The following GNA14 variants were observed in gnomAD, a reference collection of about 807,000 sequenced individuals.
GNA14 encodes the protein guanine nucleotide-binding protein subunit alpha-14.
A neutral mutation model predicts 42.0 loss-of-function variants in GNA14; 50 were observed. The ratio of observed to expected loss-of-function variants is 1.19; its 90% CI spans 0.95 to 1.51. GNA14 has a LOEUF of 1.51. Among genes scored for constraint, GNA14 ranks in the 40% most tolerant of loss-of-function variants. GNA14 has a pLI of 0.00. For synonymous variants in GNA14, 173 were observed against 163.1 expected, an observed-to-expected ratio of 1.06 and a Z score of -0.46; for missense variants, 473 against 446.2, an observed-to-expected ratio of 1.06 and a Z score of -0.54.
chr9:77,609,513 A>G (rs1019027375), intron 1 of GNA14, among the ~76,000 whole-genome samples: 1 of 152,062 alleles, frequency 6.6e-6, no homozygotes, highest in Admixed American at 6.5e-5. Context: ...CCACTTCCAC[A>G]TTTTTAGATA....
At chr9:77,544,025 TCTTA>T (rs1837691682) in intron 1 of GNA14, among the ~76,000 whole-genome samples, 1 of 152,220 alleles carries the variant, frequency 6.6e-6, no homozygotes, top group Non-Finnish European at 1.5e-5. Flanking sequence ...CAAATATTTC[TCTTA>T]CTGTTAAATG....
chr9:77,547,365 G>C (rs1407856610), intron 1 of GNA14, among the ~76,000 whole-genome samples: 1 of 152,116 alleles, frequency 6.6e-6, no homozygotes, highest in Non-Finnish European at 1.5e-5. Flanking sequence ...ATCTTCAAAG[G>C]CTGTAATTAA....
chr9:77,480,089 T>A (rs1398230250), intron 2 of GNA14, among the ~76,000 whole-genome samples: 1 of 152,154 alleles, frequency 6.6e-6, no homozygotes, highest in East Asian at 1.9e-4. Flanking sequence ...AACACTATAT[T>A]GAATAGGAGT....
At chr9:77,572,886 T>C (rs997003681) in intron 1 of GNA14, among the ~76,000 whole-genome samples, 4 of 152,186 alleles carry the variant, frequency 2.6e-5, no homozygotes, top group Non-Finnish European at 5.9e-5. Context: ...TGTGGCTTCA[T>C]GGAGATAATA....
chr9:77,583,929 G>C (rs183732172), intron 1 of GNA14, among the ~76,000 whole-genome samples: 1 of 152,146 alleles, frequency 6.6e-6, no homozygotes, highest in Non-Finnish European at 1.5e-5. Flanking sequence ...GGACAAACAC[G>C]ATGCTCCATT....
intron 1 of GNA14, among the ~76,000 whole-genome samples, chr9:77,557,502 A>G (rs1319345995): frequency 6.6e-6 from 1 of 152,246 alleles, no homozygotes; most frequent in African/African-American, 2.4e-5. Flanking sequence ...TATTTCATTA[A>G]GAACAACATA....
At chr9:77,528,090 T>C (rs1837469685) in intron 2 of GNA14, among the ~76,000 whole-genome samples, 1 of 152,230 alleles carries the variant, frequency 6.6e-6, no homozygotes, top group South Asian at 2.1e-4. Flanking sequence ...CTACTGTGTT[T>C]TCCTATGTAA....
intron 1 of GNA14, among the ~76,000 whole-genome samples, chr9:77,537,923 T>A (rs1837616255): frequency 6.6e-6 from 1 of 152,204 alleles, no homozygotes; most frequent in African/African-American, 2.4e-5. Context: ...TTAATGGCAT[T>A]ATTTAAGTTG....
At chr9:77,636,695 T>G (rs1418697715) in intron 1 of GNA14, among the ~76,000 whole-genome samples, 1 of 152,144 alleles carries the variant, frequency 6.6e-6, no homozygotes, top group Non-Finnish European at 1.5e-5. Flanking sequence ...CAACCAGCTC[T>G]CTCAAGAATA....
rs71358606 is a variant in GNA14, at chr9:77,501,713, C to CTTTTTTT, written c.309+27349_309+27355dup. Among the ~76,000 whole-genome samples, 209 of 130,404 alleles carry CTTTTTTT rather than the reference C, an allele frequency of 1.6e-3. 5 individuals are homozygous for CTTTTTTT. The highest frequency in any genetic ancestry group is 6.0e-3 in the African/African-American group (202 of 33,684). 85.6% of individuals were successfully genotyped at this position (130,404 alleles called of 152,430 possible). ...CTTTGTTGTTCAGATTGGATAATTT[C>CTTTTTTT]TTTTTTTTTTTTTTTGAGATGGAGT... On this transcript the variant is annotated intron_variant, in intron 2 of 6. Coordinates refer to ENST00000341700, the MANE Select transcript of GNA14 (RefSeq NM_004297.4).
chr9:77,551,713 CA>C (rs1837788994), intron 1 of GNA14, among the ~76,000 whole-genome samples: 1 of 151,298 alleles, frequency 6.6e-6, no homozygotes, highest in East Asian at 1.9e-4. Flanking sequence ...CAACAAGAAA[CA>C]ATAAGAAAAA....
intron 2 of GNA14, among the ~76,000 whole-genome samples, chr9:77,474,012 T>A (rs1361969750): frequency 1.3e-5 from 2 of 152,132 alleles, no homozygotes; most frequent in East Asian, 1.9e-4. Context: ...TAACTCAAAA[T>A]AGATCATTTA....
At chr9:77,552,038 GC>G (rs1273813389) in intron 1 of GNA14, among the ~76,000 whole-genome samples, 3 of 151,000 alleles carry the variant, frequency 2.0e-5, no homozygotes, top group Non-Finnish European at 4.4e-5. Context: ...TATTTGGGAG[GC>G]TGAGGCAGGA....
At chr9:77,584,777 C>T (rs143184550) in intron 1 of GNA14, among the ~76,000 whole-genome samples, 1 of 152,148 alleles carries the variant, frequency 6.6e-6, no homozygotes, top group Non-Finnish European at 1.5e-5. Context: ...CTGCTGGTTG[C>T]CAATTTTTAT....
chr9:77,605,517 A>G (rs1343968272), intron 1 of GNA14, among the ~76,000 whole-genome samples: 8 of 152,226 alleles, frequency 5.3e-5, no homozygotes, highest in Non-Finnish European at 1.2e-4. Flanking sequence ...CCTCTAAACC[A>G]GGTCATAAGA....
chr9:77,487,165 T>C (rs763507750), intron 2 of GNA14, among the ~76,000 whole-genome samples: 9 of 152,170 alleles, frequency 5.9e-5, no homozygotes, highest in Non-Finnish European at 1.0e-4. Context: ...ATGAATACAC[T>C]GGATGAAGGG....
chr9:77,443,294 T>G (rs1012045026), intron 2 of GNA14, among the ~76,000 whole-genome samples: 1 of 152,254 alleles, frequency 6.6e-6, no homozygotes, highest in Admixed American at 6.5e-5. Flanking sequence ...AAAGCATATC[T>G]AGAATATTTA....
chr9:77,598,840 A>C (rs1247192743), intron 1 of GNA14, among the ~76,000 whole-genome samples: 1 of 152,188 alleles, frequency 6.6e-6, no homozygotes, highest in African/African-American at 2.4e-5. Flanking sequence ...CCCCCAATTA[A>C]GGGAAAAACA....
chr9:77,454,604 G>A (rs1835968551), intron 2 of GNA14, among the ~76,000 whole-genome samples: 1 of 143,456 alleles, frequency 7.0e-6, no homozygotes, highest in Admixed American at 7.0e-5. Context: ...TTTTGGAAGT[G>A]AGACCCCTGG....
Sources: gnomAD v4.1 joint callset for allele counts (sites outside exome capture counted in the v4.1 genomes callset) on GRCh38, gnomAD v4.1.1 for gene constraint, MANE v1.5 for transcripts, NCBI Gene and HGNC (gene_info 2026-07-23, HGNC 2026-07-21) for gene names.